Variants in GALNTL6 observed in about 807,000 individuals in gnomAD.
The protein encoded by GALNTL6 is polypeptide N-acetylgalactosaminyltransferase-like 6.
Under a neutral mutation model 73.7 loss-of-function variants are expected in GALNTL6, and 46 were observed. The ratio of observed to expected loss-of-function variants is 0.62; its 90% CI spans 0.49 to 0.80. The LOEUF is 0.80. Ranked by LOEUF, GALNTL6 falls within the 30% of genes least tolerant of loss-of-function variation. The pLI, the probability that GALNTL6 is intolerant of heterozygous loss-of-function variation, is 0.00. For missense variants in GALNTL6, 604 were observed against 755.0 expected (o/e 0.80, Z 2.34); for synonymous variants, 259 against 263.7 (o/e 0.98, Z 0.17).
intron 5 of GALNTL6, among the ~76,000 whole-genome samples, chr4:172,592,705 T>TATCTATCTATCTATC (rs1219075466): frequency 1.3e-5 from 2 of 152,148 alleles, no homozygotes; most frequent in East Asian, 3.9e-4. Flanking sequence ...TCTATCTATC[T>TATCTATCTATCTATC]ATCTATCTAT....
intron 3 of GALNTL6, among the ~76,000 whole-genome samples, chr4:172,244,797 G>A (rs537013411): frequency 1.3e-5 from 2 of 152,054 alleles, no homozygotes; most frequent in Non-Finnish European, 2.9e-5. Flanking sequence ...GAGCTATTTC[G>A]CTTTGCTTCT....
chr4:172,315,420 C>T (rs539614091), intron 4 of GALNTL6, among the ~76,000 whole-genome samples: 177 of 152,292 alleles, frequency 1.2e-3, no homozygotes, highest in Non-Finnish European at 2.1e-3. Context: ...TGCGCCACCA[C>T]ACCTGGCTAA....
intron 5 of GALNTL6, among the ~76,000 whole-genome samples, chr4:172,550,982 C>T (rs961942730): frequency 6.6e-6 from 1 of 152,162 alleles, no homozygotes; most frequent in African/African-American, 2.4e-5. Context: ...AGATACTAAA[C>T]TGTGGACAGG....
intron 2 of GALNTL6, among the ~76,000 whole-genome samples, chr4:172,067,295 G>A (rs1012379846): frequency 6.6e-6 from 1 of 151,912 alleles, no homozygotes; most frequent in Non-Finnish European, 1.5e-5. Flanking sequence ...AAATATTGAG[G>A]TGACCCAAAA....
intron 5 of GALNTL6, among the ~76,000 whole-genome samples, chr4:172,413,909 T>C (rs376214528): frequency 1.3e-5 from 2 of 152,268 alleles, no homozygotes; most frequent in East Asian, 3.9e-4. Flanking sequence ...GGTCTGTCTT[T>C]CACTGCCTGC....
intron 4 of GALNTL6, among the ~76,000 whole-genome samples, chr4:172,313,745 A>G (rs1740446444): frequency 1.3e-5 from 2 of 152,220 alleles, no homozygotes; most frequent in African/African-American, 4.8e-5. Flanking sequence ...CTTAGTTACT[A>G]AGGCTGGATA....
At chr4:172,727,269 A>C (rs1447572996) in intron 5 of GALNTL6, among the ~76,000 whole-genome samples, 1 of 152,194 alleles carries the variant, frequency 6.6e-6, no homozygotes, top group East Asian at 1.9e-4. Context: ...TACCTCTCTA[A>C]ATTCATCTGC....
intron 2 of GALNTL6, among the ~76,000 whole-genome samples, chr4:171,884,572 A>G (rs1736554386): frequency 6.6e-6 from 1 of 151,708 alleles, no homozygotes; most frequent in African/African-American, 2.4e-5. Flanking sequence ...TGTTGGAGTC[A>G]GTCTGTTGAA....
chr4:172,669,479 A>G (rs888580263), intron 5 of GALNTL6, among the ~76,000 whole-genome samples: 2 of 152,164 alleles, frequency 1.3e-5, no homozygotes, highest in South Asian at 4.1e-4. Context: ...GGAAGGATAG[A>G]TATAATAGTT....
intron 2 of GALNTL6, among the ~76,000 whole-genome samples, chr4:171,952,904 C>A (rs965060582): frequency 2.0e-5 from 3 of 151,836 alleles, no homozygotes; most frequent in Non-Finnish European, 4.4e-5. Context: ...AATTATTCAT[C>A]AATAATGAGA....
chr4:172,665,266 T>A (rs1170264484), intron 5 of GALNTL6, among the ~76,000 whole-genome samples: 1 of 152,168 alleles, frequency 6.6e-6, no homozygotes, highest in African/African-American at 2.4e-5. Flanking sequence ...GGCCTCTGCT[T>A]ATCAATCTCT....
chr4:172,670,444 A>G (rs1378975506), intron 5 of GALNTL6, among the ~76,000 whole-genome samples: 2 of 151,854 alleles, frequency 1.3e-5, no homozygotes, highest in Non-Finnish European at 2.9e-5. Context: ...TTGCATGTAC[A>G]TCTTTTGAAA....
chr4:172,641,899 G>A (rs1739999488), intron 5 of GALNTL6, among the ~76,000 whole-genome samples: 1 of 151,870 alleles, frequency 6.6e-6, no homozygotes, highest in Non-Finnish European at 1.5e-5. Flanking sequence ...CAAATAATGT[G>A]ATTGAAAAAA....
intron 5 of GALNTL6, among the ~76,000 whole-genome samples, chr4:172,736,246 T>C (rs1195845945): frequency 1.3e-5 from 2 of 152,306 alleles, no homozygotes; most frequent in African/African-American, 2.4e-5. Flanking sequence ...ATCCCTTATC[T>C]ACAACTGCAT....
chr4:172,585,719 A>G (rs1331483650), intron 5 of GALNTL6, among the ~76,000 whole-genome samples: 3 of 152,174 alleles, frequency 2.0e-5, no homozygotes, highest in Non-Finnish European at 4.4e-5. Flanking sequence ...ATAAGCATAC[A>G]TGTGCATGTG....
intron 4 of GALNTL6, among the ~76,000 whole-genome samples, chr4:172,313,557 G>C (rs964315751): frequency 3.9e-5 from 6 of 152,112 alleles, no homozygotes; most frequent in African/African-American, 1.4e-4. Flanking sequence ...ACTATTTTTA[G>C]TGTGAACACC....
At chr4:172,042,787 C>G (rs1742118656) in intron 2 of GALNTL6, among the ~76,000 whole-genome samples, 1 of 131,704 alleles carries the variant, frequency 7.6e-6, no homozygotes, top group African/African-American at 2.8e-5. Context: ...GTCACTCAGA[C>G]TTCTGCTCAC....
intron 4 of GALNTL6, among the ~76,000 whole-genome samples, chr4:172,343,563 AAG>A (rs1346397963): frequency 1.3e-5 from 2 of 152,200 alleles, no homozygotes; most frequent in Non-Finnish European, 2.9e-5. Flanking sequence ...TGAAATAAAA[AAG>A]ATAAATTAGT....
At chr4:171,821,640 G>GATATATATAGATATAT (rs1734687211) in intron 2 of GALNTL6, among the ~76,000 whole-genome samples, 1 of 146,210 alleles carries the variant, frequency 6.8e-6, no homozygotes, top group Non-Finnish European at 1.5e-5. Flanking sequence ...AGGCTTAACG[G>GATATATATAGATATAT]ATATATATAT....
Sources: gnomAD v4.1 joint callset for allele counts (sites outside exome capture counted in the v4.1 genomes callset) on GRCh38, gnomAD v4.1.1 for gene constraint, MANE v1.5 for transcripts, NCBI Gene and HGNC (gene_info 2026-07-23, HGNC 2026-07-21) for gene names.